DOCK10: variants seen among roughly 807,000 people sequenced by gnomAD.
DOCK10 encodes dedicator of cytokinesis protein 10.
In DOCK10, 145 loss-of-function variants were observed where a neutral mutation model predicts 280.1. That is an observed-to-expected ratio of 0.52 (90% CI 0.45 to 0.59). The LOEUF is 0.59. DOCK10 is among the 20% of genes least tolerant of loss of function. DOCK10 has a pLI of 0.00. For missense variants in DOCK10, 2,368 were observed against 2,651.7 expected (o/e 0.89, Z 2.35); for synonymous variants, 915 against 942.2 (o/e 0.97, Z 0.53).
chr2:224,921,037 T>C (rs62187981), intron 2 of DOCK10, among the ~76,000 whole-genome samples: 33,065 of 138,698 alleles, frequency 0.24, 4,384 homozygotes, highest in Admixed American at 0.29. Flanking sequence ...GGCAGACCAA[T>C]TGAGGTCAAG....
intron 2 of DOCK10, among the ~76,000 whole-genome samples, chr2:224,929,147 G>A (rs550983198): frequency 1.3e-5 from 2 of 152,296 alleles, no homozygotes; most frequent in East Asian, 3.9e-4. Flanking sequence ...ATCAGATTCT[G>A]CCTAGTTTTA....
At chr2:224,882,932 A>T (rs1269480288) in intron 7 of DOCK10, among the ~76,000 whole-genome samples, 1 of 152,222 alleles carries the variant, frequency 6.6e-6, no homozygotes, top group African/African-American at 2.4e-5. Context: ...ACCCACACAC[A>T]AAGTGACAAG....
chr2:224,941,974 T>A (rs1295244012), intron 1 of DOCK10, among the ~76,000 whole-genome samples: 1 of 152,210 alleles, frequency 6.6e-6, no homozygotes, highest in Non-Finnish European at 1.5e-5. Flanking sequence ...AGGGAATCTT[T>A]ACAATCAAAA....
chr2:225,035,998 G>A (rs78818864), intron 1 of DOCK10, among the ~76,000 whole-genome samples: 1,727 of 152,090 alleles, frequency 0.011, 36 homozygotes, highest in African/African-American at 0.039. Flanking sequence ...AGGGGGTTAA[G>A]GCATCGACAT....
At chr2:224,930,532 T>A (rs1423490660) in intron 2 of DOCK10, among the ~76,000 whole-genome samples, 1 of 151,738 alleles carries the variant, frequency 6.6e-6, no homozygotes, top group Non-Finnish European at 1.5e-5. Flanking sequence ...ATCATTAACT[T>A]CCATATACCT....
intron 5 of DOCK10, 83 bp downstream of exon 5, chr2:224,886,376 G>T (rs950377864): frequency 2.0e-6 from 3 of 1,486,638 alleles, no homozygotes; most frequent in East Asian, 2.3e-5. Context: ...ACAACAAACC[G>T]GTCAGAACTC....
chr2:224,991,711 T>C (rs1398427031), intron 1 of DOCK10, among the ~76,000 whole-genome samples: 2 of 152,006 alleles, frequency 1.3e-5, no homozygotes, highest in African/African-American at 4.8e-5. Context: ...AACTTAAAGG[T>C]ATGGGCCACC....
intron 1 of DOCK10, among the ~76,000 whole-genome samples, chr2:224,941,120 G>C (rs536602207): frequency 6.6e-6 from 1 of 151,690 alleles, no homozygotes; most frequent in African/African-American, 2.4e-5. Context: ...CATACATAAT[G>C]GCAAAGACCA....
intron 24 of DOCK10, among the ~76,000 whole-genome samples, chr2:224,838,037 C>T (rs571987057): frequency 2.0e-5 from 3 of 152,266 alleles, no homozygotes; most frequent in African/African-American, 4.8e-5. Context: ...CCATTTCCAT[C>T]GATTAGCCAT....
chr2:224,831,061 A>G lies in DOCK10; in HGVS notation c.2965-449T>C, dbSNP rs116729636. Among the ~76,000 whole-genome samples, 1,026 of 152,046 alleles carry G rather than the reference A, an allele frequency of 6.7e-3. 12 individuals are homozygous for G. The highest frequency in any genetic ancestry group is 0.023 in the African/African-American group (959 of 41,458). Reference sequence around the variant, plus strand: ...TGATTCTCCCACCTCAGTCTCCCGGACAGCTGCGACTACAGATGTGGTCAC... The same window carrying G: ...TGATTCTCCCACCTCAGTCTCCCGGGCAGCTGCGACTACAGATGTGGTCAC... On this transcript the variant is annotated intron_variant, in intron 26 of 55. Transcript: ENST00000258390.
chr2:224,880,861 A>G (rs999390018), intron 7 of DOCK10, among the ~76,000 whole-genome samples: 1 of 152,180 alleles, frequency 6.6e-6, no homozygotes, highest in Non-Finnish European at 1.5e-5. Flanking sequence ...GGAACAAAAG[A>G]AGAGTCTTAA....
intron 1 of DOCK10, among the ~76,000 whole-genome samples, chr2:225,001,042 A>C (rs1706418185): frequency 6.6e-6 from 1 of 152,224 alleles, no homozygotes; most frequent in South Asian, 2.1e-4. Context: ...AATTGGAGTT[A>C]AACTATGAAG....
chr2:225,031,480 G>C (rs1690073585), intron 1 of DOCK10, among the ~76,000 whole-genome samples: 1 of 152,210 alleles, frequency 6.6e-6, no homozygotes, highest in Non-Finnish European at 1.5e-5. Flanking sequence ...CTGTAGTCTT[G>C]AGACCCTCTG....
intron 1 of DOCK10, among the ~76,000 whole-genome samples, chr2:224,940,162 T>G (rs1387547578): frequency 6.6e-6 from 1 of 152,158 alleles, no homozygotes; most frequent in Non-Finnish European, 1.5e-5. Context: ...AGGATTGGAA[T>G]TGTTTCATTT....
intron 50 of DOCK10, among the ~76,000 whole-genome samples, chr2:224,779,413 G>A (rs1000418314): frequency 2.6e-5 from 4 of 151,986 alleles, no homozygotes; most frequent in South Asian, 2.1e-4. Context: ...GTGGAGTTTC[G>A]CCATGTTGGC....
chr2:224,968,405 C>T (rs1179838890), intron 1 of DOCK10, among the ~76,000 whole-genome samples: 2 of 152,234 alleles, frequency 1.3e-5, no homozygotes, highest in African/African-American at 4.8e-5. Context: ...CCCCACACAA[C>T]AGTTCTCATC....
intron 23 of DOCK10, among the ~76,000 whole-genome samples, chr2:224,840,563 T>C (rs1695897297): frequency 6.6e-6 from 1 of 152,132 alleles, no homozygotes; most frequent in African/African-American, 2.4e-5. Context: ...CAGTGGGACA[T>C]CACCTCATAT....
At chr2:224,816,581 T>A (rs1694149394) in intron 30 of DOCK10, 36 bp downstream of exon 30, 1 of 1,183,368 alleles carries the variant, frequency 8.5e-7, no homozygotes, top group East Asian at 2.4e-5. Context: ...GCATTCACTT[T>A]GCAGGAACTG....
chr2:224,835,656 A>C (rs1168302934), intron 25 of DOCK10, among the ~76,000 whole-genome samples: 2 of 152,206 alleles, frequency 1.3e-5, no homozygotes, highest in African/African-American at 4.8e-5. Flanking sequence ...GAGAAAACTG[A>C]GGTTCAGAGA....
Sources: allele counts gnomAD v4.1 joint callset (sites outside exome capture counted in the v4.1 genomes callset), GRCh38; gene constraint gnomAD v4.1.1; transcripts MANE v1.5; gene names NCBI Gene and HGNC (gene_info 2026-07-23, HGNC 2026-07-21).